Variants in ZFYVE9 observed in about 807,000 individuals in gnomAD.
ZFYVE9 encodes zinc finger FYVE domain-containing protein 9.
In ZFYVE9, 43 loss-of-function variants were observed where a neutral mutation model predicts 126.7. The ratio of observed to expected loss-of-function variants is 0.34; its 90% CI spans 0.27 to 0.44. The LOEUF (loss-of-function observed/expected upper bound fraction) is 0.44. Ranked by LOEUF, ZFYVE9 falls within the 20% of genes least tolerant of loss-of-function variation. ZFYVE9 has a pLI of 1.00. For synonymous variants in ZFYVE9, 521 were observed against 597.4 expected, an observed-to-expected ratio of 0.87 and a Z score of 1.87; for missense variants, 1,476 against 1,697.0, an observed-to-expected ratio of 0.87 and a Z score of 2.29.
intron 2 of ZFYVE9, among the ~76,000 whole-genome samples, chr1:52,231,781 T>C (rs903768544): frequency 2.0e-5 from 3 of 151,802 alleles, no homozygotes; most frequent in Admixed American, 1.3e-4. Flanking sequence ...ACGCTACCAC[T>C]CCTGCCTAAT....
chr1:52,265,060 A>AT (rs958355846), intron 5 of ZFYVE9, among the ~76,000 whole-genome samples: 5 of 152,126 alleles, frequency 3.3e-5, no homozygotes, highest in African/African-American at 9.7e-5. Flanking sequence ...TTGATAGCTA[A>AT]TTTTTTTAAC....
In ZFYVE9 at chr1:52,198,130, T is replaced by G. The variant is rs200664442; in HGVS notation, c.-142-18239T>G. On this transcript the variant is annotated intron_variant, in intron 1 of 18. Coordinates refer to ENST00000287727, the MANE Select transcript of ZFYVE9 (RefSeq NM_004799.4). ...GTAGTGTTTTTTTTTGTTTGTTTTT[T>G]TTTTTTTTTGAGATGGAGTCTCACT... Among the ~76,000 whole-genome samples, 601 of 136,380 alleles carry G rather than the reference T, an allele frequency of 4.4e-3. 37 individuals carry two copies. The South Asian group carries it at 0.052, about 12-fold the overall frequency. 89.5% of individuals were successfully genotyped at this position (136,380 alleles called of 152,430 possible). A position where few individuals can be genotyped will look rare whatever the true frequency, so the allele number is the denominator to read the frequency against.
chr1:52,247,948 A>G (rs534147995), intron 4 of ZFYVE9, among the ~76,000 whole-genome samples: 25 of 152,240 alleles, frequency 1.6e-4, no homozygotes, highest in Non-Finnish European at 2.6e-4. Context: ...GTGTCTACAC[A>G]TTTCATCCAT....
intron 7 of ZFYVE9, among the ~76,000 whole-genome samples, chr1:52,270,783 T>G (rs1645684678): frequency 6.6e-6 from 1 of 152,070 alleles, no homozygotes; most frequent in South Asian, 2.1e-4. Flanking sequence ...TACTCTCAAT[T>G]TGTATTTGTC....
At position 52,238,049 on chromosome 1, in the gene ZFYVE9, A is replaced by T. The variant is rs1231725675; in HGVS notation, c.632A>T (p.Lys211Ile). The change falls in exon 4 of 19, where the codon AAA (lysine) becomes ATA (isoleucine). Residue 211 changes from lysine (K) to isoleucine (I), a missense_variant. Transcript: ENST00000287727. ...ACTGAAAAAGATATGAATTCAGAGA[A>T]ACAAATGGATCCATTGAATAGACCG... ...ESTEKDMNSE[K>I]QMDPLNRPKT... 6.2e-7 allele frequency: 1 copy of T among 1,613,900 alleles called. No homozygotes were observed. Among genetic ancestry groups the T allele is most frequent in the African/African-American group, 1.3e-5 (1 of 74,936 alleles).
chr1:52,208,223 G>A (rs1168404793), intron 1 of ZFYVE9, among the ~76,000 whole-genome samples: 6 of 152,092 alleles, frequency 3.9e-5, no homozygotes, highest in Non-Finnish European at 8.8e-5. Flanking sequence ...CCAGATTTTT[G>A]TACCAGTGTT....
At chr1:52,292,644 G>C (rs1569688893) in intron 10 of ZFYVE9, among the ~76,000 whole-genome samples, 1 of 151,702 alleles carries the variant, frequency 6.6e-6, no homozygotes, top group East Asian at 2.0e-4. Flanking sequence ...GCTAATTTTT[G>C]TATTTTTAGT....
At chr1:52,237,275 G>C (rs1442742825) in intron 3 of ZFYVE9, among the ~76,000 whole-genome samples, 1 of 152,086 alleles carries the variant, frequency 6.6e-6, no homozygotes, top group Non-Finnish European at 1.5e-5. Context: ...GAATTCTTTT[G>C]TTGTTTGGAA....
intron 2 of ZFYVE9, among the ~76,000 whole-genome samples, chr1:52,228,791 G>A (rs1167657603): frequency 6.6e-6 from 1 of 152,000 alleles, no homozygotes; most frequent in Non-Finnish European, 1.5e-5. Context: ...AATTTATGCT[G>A]TGTGTGTGTA....
At position 52,170,339 on chromosome 1, in the gene ZFYVE9, G is replaced by A. The variant is rs12039148; in HGVS notation, c.-143+27936G>A. ...TGTCTCCTTTTTCATCTCTGATTTC[G>A]TTTGAGTCTTCTTTTTTTCTTAGTC... On this transcript the variant is annotated intron_variant, in intron 1 of 18. Transcript: ENST00000287727. Among the ~76,000 whole-genome samples the A allele has an allele frequency of 3.5e-3, 531 of 151,880 alleles. 12 individuals carry two copies. In the East Asian group the frequency reaches 0.049, roughly 14 times the overall value.
At chr1:52,273,818 C>CAAAAAAAA (rs61193193) in intron 7 of ZFYVE9, among the ~76,000 whole-genome samples, 3 of 75,570 alleles carry the variant, frequency 4.0e-5, no homozygotes, top group Non-Finnish European at 6.0e-5. Context: ...GACTCCTTCT[C>CAAAAAAAA]AAAAAAAAAA....
At chr1:52,284,778 A>C (rs1229263149) in intron 10 of ZFYVE9, among the ~76,000 whole-genome samples, 1 of 152,184 alleles carries the variant, frequency 6.6e-6, no homozygotes, top group Non-Finnish European at 1.5e-5. Context: ...GAACTATTGC[A>C]AAAATTTTGA....
intron 4 of ZFYVE9, chr1:52,253,946 G>C: frequency 1.1e-6 from 1 of 904,936 alleles, no homozygotes; most frequent in Admixed American, 1.7e-5. Context: ...CAAGAAATTC[G>C]GCAACTTGAA....
chr1:52,313,689 A>G (rs1479605025), intron 13 of ZFYVE9, among the ~76,000 whole-genome samples: 3 of 152,200 alleles, frequency 2.0e-5, no homozygotes, highest in Non-Finnish European at 4.4e-5. Context: ...TTATGTACAG[A>G]TTCAAACTGC....
intron 4 of ZFYVE9, chr1:52,253,501 A>G: frequency 1.6e-6 from 1 of 622,882 alleles, no homozygotes; most frequent in Non-Finnish European, 2.9e-6. Flanking sequence ...ACACATTTAA[A>G]AAGCCACACG....
intron 1 of ZFYVE9, among the ~76,000 whole-genome samples, chr1:52,205,802 T>C (rs1028721436): frequency 1.3e-5 from 2 of 152,250 alleles, no homozygotes; most frequent in African/African-American, 4.8e-5. Flanking sequence ...TGTATACTCT[T>C]GTTGTTACTC....
chr1:52,230,524 TAAA>T (rs113889971), intron 2 of ZFYVE9, among the ~76,000 whole-genome samples: 10 of 131,506 alleles, frequency 7.6e-5, no homozygotes, highest in Admixed American at 1.5e-4. Context: ...TCCTGGAACT[TAAA>T]AAAAAAAAAA....
At chr1:52,194,749 G>A (rs1415194205) in intron 1 of ZFYVE9, among the ~76,000 whole-genome samples, 1 of 152,024 alleles carries the variant, frequency 6.6e-6, no homozygotes, top group East Asian at 1.9e-4. Context: ...CACGTTAAAG[G>A]GTAAAGATAC....
chr1:52,178,362 C>T (rs1296035158), intron 1 of ZFYVE9, among the ~76,000 whole-genome samples: 9 of 145,508 alleles, frequency 6.2e-5, no homozygotes, highest in African/African-American at 1.8e-4. Context: ...GACGGAGTCT[C>T]GCACTATCGC....
Sources: allele counts gnomAD v4.1 joint callset (sites outside exome capture counted in the v4.1 genomes callset), GRCh38; gene constraint gnomAD v4.1.1; transcripts MANE v1.5; gene names NCBI Gene and HGNC (gene_info 2026-07-23, HGNC 2026-07-21).